MRPL42: variants seen among roughly 807,000 people sequenced by gnomAD.
MRPL42 encodes mitochondrial ribosomal protein L42.
Under a neutral mutation model 17.9 loss-of-function variants are expected in MRPL42, and 17 were observed. That is an observed-to-expected ratio of 0.95 (90% CI 0.65 to 1.42). The LOEUF is 1.42. Ranked by LOEUF, MRPL42 falls within the 40% of genes most tolerant of loss-of-function variation. MRPL42 has a pLI of 0.00. For missense variants in MRPL42, 177 were observed against 175.2 expected, an observed-to-expected ratio of 1.01 and a Z score of -0.06; for synonymous variants, 59 against 54.4, an observed-to-expected ratio of 1.08 and a Z score of -0.37.
rs1565815053 is a variant in MRPL42, at chr12:93,487,585, TTGAGGAAG to T, written c.309_316del (p.Glu104ThrfsTer7). 1.9e-6 allele frequency: 3 copies of T among 1,613,154 alleles called. No homozygotes were observed. The highest frequency in any genetic ancestry group is 2.5e-6 in the Non-Finnish European group (3 of 1,179,242). ...AGATTGGAAGAAAAAGTTGAACACC[TTGAGGAAG>T]GACCTATGATAGAACAACTTAGCAA... is the stretch of plus-strand genomic sequence containing the variant. On this transcript the variant is annotated frameshift_variant, in exon 5 of 6. Coordinates refer to ENST00000549982, the MANE Select transcript of MRPL42 (RefSeq NM_014050.4). LOFTEE classifies it high-confidence loss of function.
chr12:93,479,722 G>A lies in MRPL42; in HGVS notation c.219+250G>A, dbSNP rs570807167. On this transcript the variant is annotated intron_variant, in intron 4 of 5. Transcript: ENST00000549982. ...TCAGTTTTCTGGTCTAAAAAATTTGGTAGATTTCTGGTTAAGGATCAAATA... is the reference window on the plus strand; with the variant it reads ...TCAGTTTTCTGGTCTAAAAAATTTGATAGATTTCTGGTTAAGGATCAAATA... 1.5e-4 allele frequency among the ~76,000 whole-genome samples: 22 copies of A among 151,718 alleles called. No individual in the cohort carries two copies. The South Asian group carries it at 4.6e-3, about 32-fold the overall frequency.
intron 5 of MRPL42, among the ~76,000 whole-genome samples, chr12:93,497,563 G>A (rs923045139): frequency 3.2e-4 from 49 of 151,880 alleles, no homozygotes; most frequent in African/African-American, 1.1e-3. Flanking sequence ...AACAAACTAG[G>A]CATTGAGGGA....
intron 5 of MRPL42, among the ~76,000 whole-genome samples, chr12:93,490,240 A>G (rs1262558239): frequency 2.0e-5 from 3 of 152,208 alleles, no homozygotes; most frequent in Non-Finnish European, 4.4e-5. Context: ...TTGTCTTTAG[A>G]CATTTGTGTC....
intron 5 of MRPL42, among the ~76,000 whole-genome samples, chr12:93,497,312 A>G (rs1953524088): frequency 6.6e-6 from 1 of 152,234 alleles, no homozygotes; most frequent in South Asian, 2.1e-4. Context: ...CCTGATAAAC[A>G]TGGATGCTAA....
intron 5 of MRPL42, among the ~76,000 whole-genome samples, chr12:93,499,621 A>G (rs573130383): frequency 1.3e-5 from 2 of 152,172 alleles, no homozygotes; most frequent in African/African-American, 4.8e-5. Context: ...AAAAAAACAG[A>G]ATTTTCTGTA....
chr12:93,472,275 A>G (rs1879947236), intron 2 of MRPL42, among the ~76,000 whole-genome samples: 1 of 152,206 alleles, frequency 6.6e-6, no homozygotes, highest in African/African-American at 2.4e-5. Context: ...TTATACTGCA[A>G]AGTTCCTGTT....
chr12:93,470,456 C>T, intron 2 of MRPL42: 1 of 1,272,510 alleles, frequency 7.9e-7, no homozygotes, highest in Non-Finnish European at 1.0e-6. Flanking sequence ...ACTATGTGAG[C>T]CAACTTTTTA....
intron 4 of MRPL42, among the ~76,000 whole-genome samples, chr12:93,485,801 C>G (rs11614266): frequency 0.13 from 20,098 of 151,738 alleles, 1,622 homozygotes; most frequent in East Asian, 0.22. Flanking sequence ...ATAGTGATTC[C>G]TTTTGTTTTC....
rs756332191 is a variant in MRPL42, at chr12:93,479,419, A to G, written c.166A>G (p.Arg56Gly). 2 of 1,611,698 alleles carry G rather than the reference A, an allele frequency of 1.2e-6. No individual in the cohort carries two copies. Among genetic ancestry groups the G allele is most frequent in the Non-Finnish European group, 1.7e-6 (2 of 1,178,826 alleles). Residue 56 changes from arginine to glycine, a missense_variant, in exon 4 of 6, where the codon AGG becomes GGG. Transcript: ENST00000549982. ...AGAGCTTGCTCTGACTTCTGATGGC[A>G]GGACAATAGTATGCTACCACCCTTC... ...NVELALTSDG[R>G]TIVCYHPSVD...
At chr12:93,496,084 A>T (rs1953495841) in intron 5 of MRPL42, among the ~76,000 whole-genome samples, 1 of 152,188 alleles carries the variant, frequency 6.6e-6, no homozygotes, top group Admixed American at 6.5e-5. Context: ...TTTGACACGG[A>T]GTCTTGCTTT....
intron 4 of MRPL42, among the ~76,000 whole-genome samples, chr12:93,484,070 A>G (rs759267615): frequency 2.9e-4 from 44 of 152,108 alleles, no homozygotes; most frequent in Non-Finnish European, 8.8e-5. Context: ...TGGAGCTGTC[A>G]TCTCCTATGA....
At chr12:93,480,567 A>G (rs1358033320) in intron 4 of MRPL42, among the ~76,000 whole-genome samples, 1 of 141,900 alleles carries the variant, frequency 7.0e-6, no homozygotes, top group Non-Finnish European at 1.5e-5. Context: ...TTTGAGACTG[A>G]GTCTCACTCT....
At chr12:93,468,123 T>C (rs1879727503) in intron 1 of MRPL42, among the ~76,000 whole-genome samples, 1 of 152,116 alleles carries the variant, frequency 6.6e-6, no homozygotes, top group Admixed American at 6.5e-5. Context: ...GAAATGGAGA[T>C]GCTGCTTCAC....
At chr12:93,474,709 G>C (rs1880077770) in intron 2 of MRPL42, among the ~76,000 whole-genome samples, 1 of 152,098 alleles carries the variant, frequency 6.6e-6, no homozygotes, top group East Asian at 1.9e-4. Context: ...GATTACAGGC[G>C]TGAGCTACCA....
chr12:93,491,518 A>C lies in MRPL42; in HGVS notation c.383+3858A>C, dbSNP rs535717360. On this transcript the variant is annotated intron_variant, in intron 5 of 5. Transcript: ENST00000549982. ...TGCTATATGAGCTATATGCTTTGTA[A>C]ATTTTTTTATCTAAGCTTGCCTTTC... Among the ~76,000 whole-genome samples, 56 of 152,030 alleles carry C rather than the reference A, an allele frequency of 3.7e-4. 1 individual carries two copies. The highest frequency in any genetic ancestry group is 2.0e-3 in the Admixed American group (31 of 15,292).
chr12:93,479,964 T>C (rs181619343), intron 4 of MRPL42, among the ~76,000 whole-genome samples: 79 of 152,110 alleles, frequency 5.2e-4, no homozygotes, highest in Non-Finnish European at 1.0e-3. Flanking sequence ...CCCAGTTAGA[T>C]TTTTTTCCCT....
Position 93,487,650 on chromosome 12 carries a change from C to T in MRPL42, c.373C>T (p.Pro125Ser), listed in dbSNP as rs2121234368. ...CTTTACTACTAAGCACCGTTGGTATCCTCATGGACGGTAAGTTTTCTTTTC... is the reference window on the plus strand; with the variant it reads ...CTTTACTACTAAGCACCGTTGGTATTCTCATGGACGGTAAGTTTTCTTTTC... ...MFFTTKHRWY[P>S]HGRYHRCRKN... Residue 125 changes from proline (P) to serine (S), a missense_variant, in exon 5 of 6, where the codon CCT (proline) becomes TCT (serine). Transcript: ENST00000549982. The T allele has an allele frequency of 3.7e-6, 6 of 1,604,712 alleles. No individual in the cohort carries two copies. Among genetic ancestry groups the T allele is most frequent in the Non-Finnish European group, 4.3e-6 (5 of 1,176,168 alleles).
intron 2 of MRPL42, chr12:93,470,670 A>C (rs770958777): frequency 2.9e-5 from 18 of 627,822 alleles, no homozygotes; most frequent in Non-Finnish European, 3.6e-5. Context: ...TTGTGTCCAT[A>C]TGTACCCAAT....
chr12:93,482,886 C>T (rs1375992739), intron 4 of MRPL42, among the ~76,000 whole-genome samples: 1 of 126,910 alleles, frequency 7.9e-6, no homozygotes, highest in Non-Finnish European at 1.7e-5. Context: ...GTACCTTGCC[C>T]AATCTGGTTC....
Sources: gnomAD v4.1 joint callset for allele counts (sites outside exome capture counted in the v4.1 genomes callset) on GRCh38, gnomAD v4.1.1 for gene constraint, MANE v1.5 for transcripts, NCBI Gene and HGNC (gene_info 2026-07-23, HGNC 2026-07-21) for gene names.